The following DCLRE1B variants were observed in gnomAD, a reference collection of about 807,000 sequenced individuals.
DCLRE1B encodes the protein DNA cross-link repair 1B, also known as 5' exonuclease Apollo.
DCLRE1B carries 6 observed loss-of-function variants against 19.8 expected under a neutral mutation model. The observed-to-expected ratio is 0.30, with a 90% CI of 0.17 to 0.60. DCLRE1B has a LOEUF of 0.60. Among genes scored for constraint, DCLRE1B ranks in the 20% least tolerant of loss-of-function variants. The pLI is 0.87. For synonymous variants in DCLRE1B, 258 were observed against 255.7 expected (o/e 1.01, Z -0.09); for missense variants, 622 against 654.2 (o/e 0.95, Z 0.54).
At chr1:113,910,460 G>A (rs1387543176) in intron 3 of DCLRE1B, among the ~76,000 whole-genome samples, 8 of 151,610 alleles carry the variant, frequency 5.3e-5, no homozygotes, top group South Asian at 2.1e-4. Flanking sequence ...TTAGCCTAAC[G>A]TTCCCTAACT....
Position 113,911,542 on chromosome 1 carries a change from C to G in DCLRE1B, c.950C>G (p.Pro317Arg), listed in dbSNP as rs754841219. Residue 317 changes from proline to arginine, a missense_variant, in exon 4 of 4, where the codon CCC becomes CGC. This residue lies in a region of DCLRE1B where 382 missense variants were observed against 412.5 expected (regional missense o/e 0.93). Coordinates refer to ENST00000650450, the MANE Select transcript of DCLRE1B (RefSeq NM_022836.4). ...AGTCTGAGCCCCAGGATCTCCGTGC[C>G]CCTGATTCCGGACTCTGTACAGCAA... ...QDSLSPRISV[P>R]LIPDSVQQYM... The G allele has an allele frequency of 1.7e-5, 28 of 1,612,858 alleles. No homozygotes were observed. Among genetic ancestry groups the G allele is most frequent in the Non-Finnish European group, 2.2e-5 (26 of 1,179,332 alleles).
At position 113,905,636 on chromosome 1, in the gene DCLRE1B, G is replaced by T. The variant is rs774236319; in HGVS notation, c.50G>T (p.Ser17Ile). ...ACGCCCATCGCAGTGGACTTCTGGA[G>T]CCTGCGCCGGGCTGGCACCGCACGT... ...PHTPIAVDFW[S>I]LRRAGTARLF... Residue 17 changes from serine (S) to isoleucine (I), a missense_variant, in exon 1 of 4, where the codon AGC becomes ATC. Around this residue, in one of 3 missense-constraint regions of DCLRE1B, gnomAD observed 237 missense variants for 223.8 expected, o/e 1.06. Transcript: ENST00000650450. 1.9e-6 allele frequency: 3 copies of T among 1,614,176 alleles called. No homozygotes were observed. The highest frequency in any genetic ancestry group is 4.5e-5 in the East Asian group (2 of 44,876).
chr1:113,905,654 C>T lies in DCLRE1B; in HGVS notation c.68C>T (p.Thr23Ile), dbSNP rs755854199. The change falls in exon 1 of 4, where the codon ACC becomes ATC. Residue 23 changes from threonine (T) to isoleucine (I), a missense_variant. Physicochemically the swap from Thr to Ile is moderately conservative, Grantham distance 89 (BLOSUM62 -1). Around this residue, in one of 3 missense-constraint regions of DCLRE1B, gnomAD observed 237 missense variants for 223.8 expected, o/e 1.06. Transcript: ENST00000650450. ...VDFWSLRRAGTARLFFLSHMH... is the reference protein window; with the variant it reads ...VDFWSLRRAGIARLFFLSHMH... ...TTCTGGAGCCTGCGCCGGGCTGGCA[C>T]CGCACGTCTCTTCTTCTTGTCTCAC... 1.2e-6 allele frequency: 2 copies of T among 1,614,216 alleles called. No homozygotes were observed. Among genetic ancestry groups the T allele is most frequent in the South Asian group, 2.2e-5 (2 of 91,084 alleles).
In DCLRE1B at chr1:113,905,427, C is replaced by T; in HGVS notation, c.-160C>T. The T allele has an allele frequency of 1.4e-6, 1 of 723,648 alleles. No homozygotes were observed. Among genetic ancestry groups the T allele is most frequent in the Non-Finnish European group, 2.2e-6 (1 of 446,896 alleles). 44.8% of individuals were successfully genotyped at this position (723,648 alleles called of 1,614,324 possible). A position where few individuals can be genotyped will look rare whatever the true frequency, so the allele number is the denominator to read the frequency against. ...GGGCAGGGTGACTTCCTTTTTCTGCCCACTCTGGTAACTTATTGCTCTGCT... is the reference window on the plus strand; with the variant it reads ...GGGCAGGGTGACTTCCTTTTTCTGCTCACTCTGGTAACTTATTGCTCTGCT... On this transcript the variant is annotated 5_prime_UTR_variant, in exon 1 of 4. Transcript: ENST00000650450.
upstream of DCLRE1B, chr1:113,905,121 T>G: frequency 2.8e-6 from 1 of 354,376 alleles, no homozygotes; most frequent in South Asian, 2.4e-5. Flanking sequence ...TCTGCGGAAG[T>G]CCCGCCCCCT....
chr1:113,911,378 C>T lies in DCLRE1B; in HGVS notation c.786C>T (p.His262=). 1 of 1,614,184 alleles carries T rather than the reference C, an allele frequency of 6.2e-7. No individual in the cohort carries two copies. Among genetic ancestry groups the T allele is most frequent in the African/African-American group, 1.3e-5 (1 of 75,042 alleles). The change falls in exon 4 of 4, where the codon CAC becomes CAT. Residue 262 remains histidine (H), a synonymous_variant. Transcript: ENST00000650450. ...IAILPTSRKI[H]SSHPDIHVIP... Reference sequence around the variant, plus strand: ...TCCTTCCCACAAGCCGAAAAATCCACAGCTCCCACCCTGATATCCACGTCA... The same window carrying T: ...TCCTTCCCACAAGCCGAAAAATCCATAGCTCCCACCCTGATATCCACGTCA...
At chr1:113,905,253 G>C (rs1668838792), upstream of DCLRE1B, 5 of 360,730 alleles carry the variant, frequency 1.4e-5, no homozygotes, top group Middle Eastern at 2.5e-3. Flanking sequence ...GCAGCTGCGC[G>C]GCTCCCTCTG....
intron 3 of DCLRE1B, among the ~76,000 whole-genome samples, chr1:113,910,508 G>GT (rs950902115): frequency 2.1e-4 from 32 of 150,356 alleles, no homozygotes; most frequent in Admixed American, 5.3e-4. Flanking sequence ...TACTTTTTTT[G>GT]TTTTTTTTTA....
chr1:113,907,943 G>A (rs1457060137), intron 2 of DCLRE1B, 66 bp from the exon 3 acceptor site: 12 of 1,526,772 alleles, frequency 7.9e-6, no homozygotes, highest in East Asian at 2.3e-5. Flanking sequence ...ATTGTTGGAG[G>A]TAGGAGAGGC....
intron 2 of DCLRE1B, 53 bp downstream of exon 2, chr1:113,907,214 T>A (rs943103511): frequency 0.066 from 70,075 of 1,066,582 alleles, 1,054 homozygotes; most frequent in East Asian, 0.24. Context: ...GTTTTTTTTT[T>A]TTTTTTTTTT....
chr1:113,912,268 G>C lies in DCLRE1B; in HGVS notation c.*77G>C, dbSNP rs1031274058. 6.9e-7 allele frequency: 1 copy of C among 1,450,502 alleles called. No individual in the cohort carries two copies. The highest frequency in any genetic ancestry group is 1.4e-5 in the African/African-American group (1 of 70,786). 89.9% of individuals were successfully genotyped at this position (1,450,502 alleles called of 1,614,324 possible). On this transcript the variant is annotated 3_prime_UTR_variant, in exon 4 of 4. Coordinates refer to ENST00000650450, the MANE Select transcript of DCLRE1B (RefSeq NM_022836.4). ...ATAGTAACTGATGGCTGGTGGGAAA[G>C]AGTTTGTTTTTGGGGCCTACTTTTC... is the stretch of plus-strand genomic sequence containing the variant.
chr1:113,911,121 CATTATTT>C lies in DCLRE1B; in HGVS notation c.539-8_539-2del. 1 of 1,599,566 alleles carries C rather than the reference CATTATTT, an allele frequency of 6.3e-7. No individual in the cohort carries two copies. Among genetic ancestry groups the C allele is most frequent in the Non-Finnish European group, 8.5e-7 (1 of 1,173,270 alleles). ...CTCTTACTTTCCCCAATACATTGAA[CATTATTT>C]AGGACTCTACAGCCTGGGAAAGGAA... is the stretch of plus-strand genomic sequence containing the variant. On this transcript the variant is annotated splice_region_variant and splice_polypyrimidine_tract_variant and intron_variant, in intron 3 of 3. Transcript: ENST00000650450.
intron 3 of DCLRE1B, among the ~76,000 whole-genome samples, chr1:113,908,909 A>T (rs559993386): frequency 2.6e-5 from 4 of 152,338 alleles, no homozygotes; most frequent in East Asian, 3.9e-4. Flanking sequence ...TATGACAGGC[A>T]CACAGTGGGC....
chr1:113,908,256 C>CA, intron 3 of DCLRE1B, 65 bp downstream of exon 3: 1 of 1,552,174 alleles, frequency 6.4e-7, no homozygotes, highest in South Asian at 1.2e-5. Flanking sequence ...TAAGGATTCT[C>CA]ACATCTTTCA....
Position 113,911,120 on chromosome 1 carries a change from A to G in DCLRE1B, c.539-11A>G. 1 of 1,600,310 alleles carries G rather than the reference A, an allele frequency of 6.2e-7. No individual in the cohort carries two copies. Among genetic ancestry groups the G allele is most frequent in the Non-Finnish European group, 8.5e-7 (1 of 1,173,712 alleles). ...TCTCTTACTTTCCCCAATACATTGA[A>G]CATTATTTAGGACTCTACAGCCTGG... is the stretch of plus-strand genomic sequence containing the variant. On this transcript the variant is annotated splice_polypyrimidine_tract_variant and intron_variant, in intron 3 of 3. Coordinates refer to ENST00000650450, the MANE Select transcript of DCLRE1B (RefSeq NM_022836.4).
At chr1:113,907,841 A>G (rs563953017) in intron 2 of DCLRE1B, among the ~76,000 whole-genome samples, 168 bp from the exon 3 acceptor site, 2 of 152,328 alleles carry the variant, frequency 1.3e-5, no homozygotes, top group African/African-American at 2.4e-5. Flanking sequence ...GGATGGAGAC[A>G]TTACAACAAA....
rs756385236 is a variant in DCLRE1B, at chr1:113,911,595, A to G, written c.1003A>G (p.Ser335Gly). The change falls in exon 4 of 4, where the codon AGC (serine) becomes GGC (glycine). Residue 335 changes from serine to glycine, a missense_variant. Ser to Gly is a moderately conservative substitution (Grantham distance 56). This residue lies in a region of DCLRE1B where 382 missense variants were observed against 412.5 expected (regional missense o/e 0.93). Transcript: ENST00000650450. The part of the protein sequence containing the change: ...QYMSSSSRKP[S>G]LLWLLERRLK... The stretch of plus-strand genomic sequence containing the variant: ...CATGAGTTCTTCCTCTAGAAAACCA[A>G]GCCTTCTCTGGCTGTTAGAAAGGAG... The G allele has an allele frequency of 6.3e-7, 1 of 1,597,324 alleles. No individual in the cohort carries two copies. Among genetic ancestry groups the G allele is most frequent in the East Asian group, 2.2e-5 (1 of 44,708 alleles).
At chr1:113,907,541 C>G (rs1669082084) in intron 2 of DCLRE1B, among the ~76,000 whole-genome samples, 1 of 152,034 alleles carries the variant, frequency 6.6e-6, no homozygotes, top group African/African-American at 2.4e-5. Flanking sequence ...GTGATTGTGG[C>G]TCACTGCAAC....
Position 113,912,079 on chromosome 1 carries a change from A to C in DCLRE1B, c.1487A>C (p.Glu496Ala). The C allele has an allele frequency of 6.2e-7, 1 of 1,614,194 alleles. No individual in the cohort carries two copies. Among genetic ancestry groups the C allele is most frequent in the Non-Finnish European group, 8.5e-7 (1 of 1,180,038 alleles). Residue 496 changes from glutamate (E) to alanine (A), a missense_variant, in exon 4 of 4, where the codon GAA (glutamate) becomes GCA (alanine). Transcript: ENST00000650450. ...SSKGTPLLAT[E>A]FRGLALKYLL... ...AAGGGCACCCCTCTTCTAGCTACTG[A>C]ATTCAGGGGTCTAGCACTCAAATAT...
Sources: allele counts gnomAD v4.1 joint callset (sites outside exome capture counted in the v4.1 genomes callset), GRCh38; gene constraint gnomAD v4.1.1; regional missense constraint gnomAD v4.1.1; transcripts MANE v1.5; gene names NCBI Gene and HGNC (gene_info 2026-07-23, HGNC 2026-07-21).